Variants in TIMP1 observed in about 807,000 individuals in gnomAD.
The protein encoded by TIMP1 is metalloproteinase inhibitor 1.
In TIMP1, 5 loss-of-function variants were observed where a neutral mutation model predicts 13.7. The observed-to-expected ratio is 0.36, with a 90% CI of 0.19 to 0.76. The LOEUF (loss-of-function observed/expected upper bound fraction) is 0.76, where lower values mean the gene tolerates loss of function less well. TIMP1 is among the 30% of genes least tolerant of loss of function. The probability of loss-of-function intolerance (pLI) is 0.51; values close to 1 mark genes in which losing one functional copy is unlikely to be tolerated. For missense variants in TIMP1, 131 were observed against 168.4 expected (o/e 0.78, Z 1.23); for synonymous variants, 63 against 67.1 (o/e 0.94, Z 0.30).
intron 2 of TIMP1, among the ~76,000 whole-genome samples, chrX:47,584,543 T>C (rs2057814629): frequency 8.9e-6 from 1 of 111,841 alleles, no homozygotes; most frequent in Non-Finnish European, 1.9e-5. Context: ...ACTTAATGTC[T>C]AACATTCCAT....
intron 1 of TIMP1, among the ~76,000 whole-genome samples, chrX:47,583,074 A>C (rs2057806300): frequency 1.2e-5 from 1 of 80,684 alleles, no homozygotes; most frequent in African/African-American, 4.9e-5. Context: ...CCCAATCCCA[A>C]ATTCCTCACC....
rs113050183 is a variant in TIMP1 at position 47,586,243 on chromosome X, CCT to C, written c.454-277_454-276del. 0.012 allele frequency: 8,850 copies of C among 752,482 alleles called. 588 individuals are homozygous for C. The African/African-American group carries it at 0.19, about 16-fold the overall frequency. 62.0% of individuals were successfully genotyped at this position (752,482 alleles called of 1,213,427 possible). A position where few individuals can be genotyped will look rare whatever the true frequency, so the allele number is the denominator to read the frequency against. ...GGCCCCTTACTACTGCCAGTTTTTC[CCT>C]GTCCTTTGGGACAATTCCACAGGCG... On this transcript the variant is annotated intron_variant, in intron 5 of 5. Transcript: ENST00000218388.
In TIMP1 at chrX:47,586,704, G is replaced by T. The variant is rs764806104; in HGVS notation, c.*13G>T. 1 of 1,205,230 alleles carries T rather than the reference G, an allele frequency of 8.3e-7. No individual in the cohort carries two copies. ...CCAGATAGCCTGAATCCTGCCCGGA[G>T]TGGAAGCTGAAGCCTGCACAGTGTC... On this transcript the variant is annotated 3_prime_UTR_variant, in exon 6 of 6. Coordinates refer to ENST00000218388, the MANE Select transcript of TIMP1 (RefSeq NM_003254.3).
At chrX:47,586,068 C>T (rs2057824856) in intron 5 of TIMP1, 2 of 958,252 alleles carry the variant, frequency 2.1e-6, no homozygotes. Context: ...GCAGCTCTGA[C>T]TATTCCAGAC....
At chrX:47,584,093 T>C (rs1343096012) in intron 2 of TIMP1, among the ~76,000 whole-genome samples, 1 of 111,282 alleles carries the variant, frequency 9.0e-6, no homozygotes, top group East Asian at 2.8e-4. Flanking sequence ...GTAAGGGGGA[T>C]TCTGGCTAAA....
chrX:47,585,071 A>G, intron 3 of TIMP1, 56 bp downstream of exon 3: 1 of 1,188,263 alleles, frequency 8.4e-7, no homozygotes. Context: ...CTCCTGGTCA[A>G]AACAGAAACT....
intron 5 of TIMP1, chrX:47,586,123 C>CCCTGATGGCT: frequency 2.1e-6 from 2 of 940,235 alleles, no homozygotes; most frequent in Non-Finnish European, 2.7e-6. Flanking sequence ...CAAGCCTGTT[C>CCCTGATGGCT]CCTGATGGCT....
chrX:47,584,929 C>T lies in TIMP1; in HGVS notation c.122-7C>T. On this transcript the variant is annotated splice_polypyrimidine_tract_variant and splice_region_variant and intron_variant, in intron 2 of 5. Transcript: ENST00000218388. Reference sequence around the variant, plus strand: ...CATTTGACTCATATTTCCCTCCTCTCCTGCAGTCATCAGGGCCAAGTTCGT... The same window carrying T: ...CATTTGACTCATATTTCCCTCCTCTTCTGCAGTCATCAGGGCCAAGTTCGT... The T allele has an allele frequency of 9.1e-6, 11 of 1,208,125 alleles. No homozygotes were observed. The highest frequency in any genetic ancestry group is 1.2e-5 in the Non-Finnish European group (11 of 892,655).
At position 47,585,260 on chromosome X, in the gene TIMP1, C is replaced by A; in HGVS notation, c.257C>A (p.Thr86Asn). ...GCCGCTGACATCCGGTTCGTCTACA[C>A]CCCCGCCATGGAGAGTGTCTGCGGA... ...GDAADIRFVY[T>N]PAMESVCGYF... The change falls in exon 4 of 6, where the codon ACC becomes AAC. Residue 86 changes from threonine to asparagine, a missense_variant. Coordinates refer to ENST00000218388, the MANE Select transcript of TIMP1 (RefSeq NM_003254.3). 8.3e-7 allele frequency: 1 copy of A among 1,209,143 alleles called. No homozygotes were observed. The highest frequency in any genetic ancestry group is 1.1e-6 in the Non-Finnish European group (1 of 893,955).
intron 5 of TIMP1, 114 bp from the exon 6 acceptor site, chrX:47,586,407 G>A: frequency 9.0e-7 from 1 of 1,112,691 alleles, no homozygotes; most frequent in East Asian, 3.1e-5. Flanking sequence ...GTACTTAGGT[G>A]GGGTGAGAGC....
In TIMP1 at chrX:47,586,511, T is replaced by A. The variant is rs759301948; in HGVS notation, c.454-10T>A. 1 of 1,209,427 alleles carries A rather than the reference T, an allele frequency of 8.3e-7. No individual in the cohort carries two copies. The highest frequency in any genetic ancestry group is 1.1e-6 in the Non-Finnish European group (1 of 893,944). On this transcript the variant is annotated splice_polypyrimidine_tract_variant and intron_variant, in intron 5 of 5. Transcript: ENST00000218388. ...GAAGCCCTCAGAGATGTTTCCCTCC[T>A]CCCTTCCAGGTGTTTCCCTGTTTAT...
rs2057829253 is a variant in TIMP1, at chrX:47,586,781, C to T, written c.*90C>T. 1 of 1,068,931 alleles carries T rather than the reference C, an allele frequency of 9.4e-7. No homozygotes were observed. The highest frequency in any genetic ancestry group is 1.8e-5 in the African/African-American group (1 of 54,551). 88.1% of individuals were successfully genotyped at this position (1,068,931 alleles called of 1,213,427 possible). ...TCCGGACAATGAAATAAAGAGTTAC[C>T]ACCCAGCAGACACTGTTTCTGTGTA... On this transcript the variant is annotated 3_prime_UTR_variant, in exon 6 of 6. Transcript: ENST00000218388.
chrX:47,584,857 T>C (rs28764017), intron 2 of TIMP1, 79 bp from the exon 3 acceptor site: 6,675 of 630,095 alleles, frequency 0.011, 25 homozygotes, highest in Non-Finnish European at 0.013. Flanking sequence ...TTTGCTGGTA[T>C]GATGATGATG....
Position 47,586,717 on chromosome X carries a change from C to G in TIMP1, c.*26C>G. The G allele has an allele frequency of 8.3e-7, 1 of 1,199,230 alleles. No individual in the cohort carries two copies. Among genetic ancestry groups the G allele is most frequent in the South Asian group, 1.8e-5 (1 of 56,586 alleles). On this transcript the variant is annotated 3_prime_UTR_variant, in exon 6 of 6. Transcript: ENST00000218388. The stretch of plus-strand genomic sequence containing the variant: ...ATCCTGCCCGGAGTGGAAGCTGAAG[C>G]CTGCACAGTGTCCACCCTGTTCCCA...
chrX:47,583,892 T>C (rs2057810917), intron 2 of TIMP1, among the ~76,000 whole-genome samples: 1 of 111,845 alleles, frequency 8.9e-6, no homozygotes, highest in Non-Finnish European at 1.9e-5. Flanking sequence ...TCAGTGATAC[T>C]TGTTATAACA....
chrX:47,583,322 G>C, intron 1 of TIMP1, 86 bp from the exon 2 acceptor site: 1 of 896,625 alleles, frequency 1.1e-6, no homozygotes, highest in East Asian at 3.3e-5. Flanking sequence ...CCCATAGGCT[G>C]CCCCGGGGCA....
At chrX:47,583,630 C>T in intron 2 of TIMP1, 94 bp downstream of exon 2, 1 of 993,748 alleles carries the variant, frequency 1.0e-6, no homozygotes, top group South Asian at 2.7e-5. Context: ...AGAATGATTC[C>T]ACTCGCCCCT....
chrX:47,583,975 G>T (rs2057811339), intron 2 of TIMP1, among the ~76,000 whole-genome samples: 1 of 112,053 alleles, frequency 8.9e-6, no homozygotes, highest in Non-Finnish European at 1.9e-5. Flanking sequence ...TGCAGTCGGT[G>T]GGAGAGATTG....
rs2057828065 is a variant in TIMP1, at chrX:47,586,599, T to G, written c.532T>G (p.Ser178Ala). ...CLWTDQLLQG[S>A]EKGFQSRHLA... ...GTGGACGGACCAGCTCCTCCAAGGC[T>G]CTGAAAAGGGCTTCCAGTCCCGTCA... is the stretch of plus-strand genomic sequence containing the variant. Residue 178 changes from serine to alanine, a missense_variant, in exon 6 of 6, where the codon TCT (serine) becomes GCT (alanine). Transcript: ENST00000218388. 2 of 1,211,833 alleles carry G rather than the reference T, an allele frequency of 1.7e-6. No individual in the cohort carries two copies. Among genetic ancestry groups the G allele is most frequent in the East Asian group, 5.9e-5 (2 of 33,847 alleles).
Sources: gnomAD v4.1 joint callset for allele counts (sites outside exome capture counted in the v4.1 genomes callset) on GRCh38, gnomAD v4.1.1 for gene constraint, MANE v1.5 for transcripts, NCBI Gene and HGNC (gene_info 2026-07-23, HGNC 2026-07-21) for gene names.